HTR2C: variants seen among roughly 807,000 people sequenced by gnomAD.
HTR2C encodes the protein 5-hydroxytryptamine (serotonin) receptor 2C, G protein-coupled.
A neutral mutation model predicts 21.0 loss-of-function variants in HTR2C; 5 were observed. The observed-to-expected ratio is 0.24, with a 90% CI of 0.12 to 0.50. The LOEUF is 0.50. HTR2C is among the 20% of genes least tolerant of loss of function. The probability of loss-of-function intolerance (pLI) is 0.98; values close to 1 mark genes in which losing one functional copy is unlikely to be tolerated. For missense variants in HTR2C, 271 were observed against 371.2 expected (o/e 0.73, Z 2.22); for synonymous variants, 150 against 145.3 (o/e 1.03, Z -0.23).
intron 4 of HTR2C, among the ~76,000 whole-genome samples, chrX:114,806,681 AC>A (rs1556450001): frequency 3.0e-5 from 3 of 98,860 alleles, no homozygotes; most frequent in African/African-American, 1.1e-4. Flanking sequence ...CTATATATAC[AC>A]CACATATATA....
At chrX:114,755,396 G>A (rs909600790) in intron 4 of HTR2C, among the ~76,000 whole-genome samples, 6 of 111,490 alleles carry the variant, frequency 5.4e-5, no homozygotes, top group African/African-American at 2.0e-4. Context: ...GGGAGTTTTA[G>A]ATTCTGGTGA....
At chrX:114,679,395 C>G (rs1281579309) in intron 2 of HTR2C, among the ~76,000 whole-genome samples, 1 of 110,700 alleles carries the variant, frequency 9.0e-6, no homozygotes, top group African/African-American at 3.3e-5. Context: ...TCTCTCGCCT[C>G]AGCCTCCTAA....
chrX:114,783,577 A>G (rs1362181617), intron 4 of HTR2C, among the ~76,000 whole-genome samples: 3 of 112,218 alleles, frequency 2.7e-5, no homozygotes, highest in African/African-American at 9.7e-5. Context: ...TATTTGAAAA[A>G]CATGACTGAC....
intron 5 of HTR2C, among the ~76,000 whole-genome samples, chrX:114,857,084 A>C (rs1444448439): frequency 9.0e-6 from 1 of 110,600 alleles, no homozygotes; most frequent in Non-Finnish European, 1.9e-5. Flanking sequence ...TTTGTTCATA[A>C]TTCTCCGATT....
At chrX:114,801,061 G>C (rs1358966637) in intron 4 of HTR2C, among the ~76,000 whole-genome samples, 3 of 111,166 alleles carry the variant, frequency 2.7e-5, no homozygotes, top group African/African-American at 9.8e-5. Context: ...TGGGAGTGGG[G>C]AGAAGCAGAC....
At chrX:114,871,112 G>C (rs782751464) in intron 5 of HTR2C, among the ~76,000 whole-genome samples, 2 of 110,046 alleles carry the variant, frequency 1.8e-5, no homozygotes, top group African/African-American at 3.3e-5. Context: ...CATAGGTTTT[G>C]GTATGTTGTA....
chrX:114,704,887 A>G (rs1464712898), intron 2 of HTR2C, among the ~76,000 whole-genome samples: 2 of 106,452 alleles, frequency 1.9e-5, no homozygotes, highest in East Asian at 3.0e-4. Context: ...ATGTGCAAAA[A>G]TCACAAGCAT....
chrX:114,874,141 TG>T, intron 5 of HTR2C, among the ~76,000 whole-genome samples: 1 of 5,278 alleles, frequency 1.9e-4, no homozygotes, highest in Admixed American at 3.8e-3. Context: ...AATTCTCTTG[TG>T]TGTGTGTGTG....
intron 1 of HTR2C, among the ~76,000 whole-genome samples, chrX:114,601,917 G>T (rs1257470337): frequency 1.0e-5 from 1 of 95,756 alleles, no homozygotes; most frequent in Non-Finnish European, 2.0e-5. Flanking sequence ...GTGGTAAGGG[G>T]TGATATTGTG....
intron 2 of HTR2C, among the ~76,000 whole-genome samples, chrX:114,620,610 A>G (rs1929118976): frequency 9.0e-6 from 1 of 111,457 alleles, no homozygotes; most frequent in Non-Finnish European, 1.9e-5. Context: ...TAAGTGATAT[A>G]ATGCTTAGTT....
chrX:114,707,257 A>C (rs782429811), intron 2 of HTR2C, among the ~76,000 whole-genome samples: 1 of 111,119 alleles, frequency 9.0e-6, no homozygotes, highest in Admixed American at 9.7e-5. Context: ...ATCGTTGCAG[A>C]CACTTAGATT....
At chrX:114,737,889 T>C (rs2069606795) in intron 4 of HTR2C, among the ~76,000 whole-genome samples, 1 of 112,151 alleles carries the variant, frequency 8.9e-6, no homozygotes, top group Admixed American at 9.5e-5. Flanking sequence ...TTTCAGAGCA[T>C]TGAAAACAAA....
At position 114,839,492 on chromosome X, in the gene HTR2C, A is replaced by T. The variant is rs1056974004; in HGVS notation, c.350-8511A>T. 2.7e-5 allele frequency among the ~76,000 whole-genome samples: 3 copies of T among 111,162 alleles called. 1 individual carries two copies. In the Admixed American group the frequency reaches 2.9e-4, roughly 11 times the overall value. The stretch of plus-strand genomic sequence containing the variant: ...ACTTGAGGCCAGGAGTTAGAGACCC[A>T]CCTGGGCAACATGGCAAAACCCCAT... On this transcript the variant is annotated intron_variant, in intron 4 of 5. Coordinates refer to ENST00000276198, the MANE Select transcript of HTR2C (RefSeq NM_000868.4).
intron 5 of HTR2C, among the ~76,000 whole-genome samples, chrX:114,865,811 G>GTATT (rs1235512574): frequency 1.1e-4 from 12 of 110,344 alleles, no homozygotes; most frequent in Admixed American, 3.9e-4. Flanking sequence ...ATTTTTTATT[G>GTATT]TATTTATTTA....
intron 2 of HTR2C, among the ~76,000 whole-genome samples, chrX:114,691,296 A>G (rs1318796039): frequency 9.0e-6 from 1 of 111,413 alleles, no homozygotes; most frequent in Non-Finnish European, 1.9e-5. Flanking sequence ...AAATCACATT[A>G]TCAACTGCCC....
At chrX:114,772,302 T>C (rs1338086007) in intron 4 of HTR2C, among the ~76,000 whole-genome samples, 1 of 112,165 alleles carries the variant, frequency 8.9e-6, no homozygotes, top group Non-Finnish European at 1.9e-5. Context: ...TTTTACTGCA[T>C]AAAGTTAAAA....
chrX:114,838,062 G>A (rs1456148011), intron 4 of HTR2C, among the ~76,000 whole-genome samples: 1 of 111,091 alleles, frequency 9.0e-6, no homozygotes, highest in African/African-American at 3.3e-5. Context: ...GGATTATATT[G>A]GTAGATTTCA....
At chrX:114,809,817 T>G (rs1216604993) in intron 4 of HTR2C, among the ~76,000 whole-genome samples, 1 of 110,790 alleles carries the variant, frequency 9.0e-6, no homozygotes, top group African/African-American at 3.3e-5. Flanking sequence ...CCTTTACTGT[T>G]CCCTCTCCTT....
In HTR2C at chrX:114,708,639, A is replaced by C. The variant is rs186255780; in HGVS notation, c.-79-18219A>C. On this transcript the variant is annotated intron_variant, in intron 2 of 5. Transcript: ENST00000276198. The stretch of plus-strand genomic sequence containing the variant: ...GGCAACATAACAAGACTCTGTAGCT[A>C]AAAAAAATTTTTTTTAAATCAACCA... 2.7e-5 allele frequency among the ~76,000 whole-genome samples: 3 copies of C among 109,318 alleles called. No individual in the cohort carries two copies. The East Asian group carries it at 8.7e-4, about 32-fold the overall frequency. The allele number at this position is 109,318 out of a possible 115,157, so 94.9% of individuals were successfully genotyped here.
Sources: allele counts gnomAD v4.1 joint callset (sites outside exome capture counted in the v4.1 genomes callset), GRCh38; gene constraint gnomAD v4.1.1; transcripts MANE v1.5; gene names NCBI Gene and HGNC (gene_info 2026-07-23, HGNC 2026-07-21).